Variants in TSPAN15 observed in about 807,000 individuals in gnomAD.
TSPAN15 encodes the protein tetraspanin 15.
TSPAN15 carries 20 observed loss-of-function variants against 34.5 expected under a neutral mutation model. The observed-to-expected ratio is 0.58, with a 90% CI of 0.41 to 0.84. The LOEUF is 0.84. TSPAN15 is among the 40% of genes least tolerant of loss of function. The pLI, the probability that TSPAN15 is intolerant of heterozygous loss-of-function variation, is 0.00. For missense variants in TSPAN15, 313 were observed against 386.1 expected, an observed-to-expected ratio of 0.81 and a Z score of 1.59; for synonymous variants, 155 against 153.9, an observed-to-expected ratio of 1.01 and a Z score of -0.05.
At chr10:69,530,816 C>CTATATATA in the TSPAN15 span, among the ~76,000 whole-genome samples, 5 of 52,426 alleles carry the variant, frequency 9.5e-5, no homozygotes, top group Admixed American at 2.6e-4. Flanking sequence ...CTCTCTCTCT[C>CTATATATA]TCTCTATATA....
chr10:69,505,483 A>C (rs1030803915), intron 6 of TSPAN15, among the ~76,000 whole-genome samples: 2 of 152,180 alleles, frequency 1.3e-5, no homozygotes, highest in African/African-American at 4.8e-5. Context: ...TAAAGTTCTG[A>C]ATTAAATAAT....
chr10:69,539,452 AAGAAGAAGAAGG>A, the TSPAN15 span, among the ~76,000 whole-genome samples: 12,645 of 52,754 alleles, frequency 0.24, 1,383 homozygotes, highest in East Asian at 0.37. Flanking sequence ...GAAGAAGAAG[AAGAAGAAGAAGG>A]AGAAGGAGAA....
chr10:69,455,621 T>TC (rs1162399692), intron 1 of TSPAN15, among the ~76,000 whole-genome samples: 1 of 95,970 alleles, frequency 1.0e-5, no homozygotes, highest in African/African-American at 4.4e-5. Flanking sequence ...TCTCTCTCTC[T>TC]CTCTCCCCCC....
chr10:69,509,293 G>A (rs1842392135), downstream of TSPAN15, among the ~76,000 whole-genome samples: 2 of 152,158 alleles, frequency 1.3e-5, no homozygotes, highest in African/African-American at 4.8e-5. Context: ...TGCCACAGAT[G>A]GCTAAGCTCC....
At chr10:69,526,019 A>G in the TSPAN15 span, among the ~76,000 whole-genome samples, 1 of 147,326 alleles carries the variant, frequency 6.8e-6, no homozygotes, top group African/African-American at 2.5e-5. Flanking sequence ...AAAATTTAAT[A>G]AAACCAAACT....
the TSPAN15 span, among the ~76,000 whole-genome samples, chr10:69,532,737 C>T: frequency 6.6e-6 from 1 of 152,184 alleles, no homozygotes; most frequent in African/African-American, 2.4e-5. Context: ...GCAGAGTAAA[C>T]AGACAACCCA....
chr10:69,481,729 C>G (rs184967126), intron 1 of TSPAN15, among the ~76,000 whole-genome samples: 30 of 152,342 alleles, frequency 2.0e-4, no homozygotes, highest in African/African-American at 6.0e-4. Context: ...TCATCCCTTC[C>G]TTTCCTTGGA....
At chr10:69,484,834 C>A (rs575939601) in intron 2 of TSPAN15, among the ~76,000 whole-genome samples, 1 of 152,190 alleles carries the variant, frequency 6.6e-6, no homozygotes, top group South Asian at 2.1e-4. Context: ...AGGCCCAGCT[C>A]TCCTTATGGT....
Position 69,472,362 on chromosome 10 carries a change from T to G in TSPAN15, c.97-11329T>G, listed in dbSNP as rs925997604. On this transcript the variant is annotated intron_variant, in intron 1 of 7. Coordinates refer to ENST00000373290, the MANE Select transcript of TSPAN15 (RefSeq NM_012339.5). ...GTAACCTCCTCCAGGAAGCCTTCCC[T>G]GATCTTGCCTTTCTGATTTAGTGTC... Among the ~76,000 whole-genome samples, 4 of 152,212 alleles carry G rather than the reference T, an allele frequency of 2.6e-5. No homozygotes were observed. In the South Asian group the frequency reaches 8.3e-4, roughly 31 times the overall value.
the TSPAN15 span, among the ~76,000 whole-genome samples, chr10:69,528,362 C>G: frequency 6.7e-6 from 1 of 148,580 alleles, no homozygotes; most frequent in African/African-American, 2.4e-5. Context: ...GGTCTGGGCT[C>G]CCTAAAGGGC....
At chr10:69,530,784 C>CTT in the TSPAN15 span, among the ~76,000 whole-genome samples, 4,207 of 47,210 alleles carry the variant, frequency 0.089, 215 homozygotes, top group East Asian at 0.12. Flanking sequence ...GTGAGACTCT[C>CTT]TCTCTCTCTC....
chr10:69,472,387 C>G (rs950262267), intron 1 of TSPAN15, among the ~76,000 whole-genome samples: 3 of 152,188 alleles, frequency 2.0e-5, no homozygotes, highest in Non-Finnish European at 4.4e-5. Flanking sequence ...GATTTAGTGT[C>G]TCCTCTCTGG....
At position 69,504,424 on chromosome 10, in the gene TSPAN15, C is replaced by T. The variant is rs372221501; in HGVS notation, c.571-14C>T. 2.4e-5 allele frequency: 38 copies of T among 1,611,778 alleles called. No individual in the cohort carries two copies. The highest frequency in any genetic ancestry group is 5.0e-5 in the Admixed American group (3 of 59,992). The stretch of plus-strand genomic sequence containing the variant: ...ACCATTATAAATATTAGCTATTATA[C>T]ATTTCCATTTCAGACAGAAGTTGTC... On this transcript the variant is annotated splice_polypyrimidine_tract_variant and intron_variant, in intron 5 of 7. Coordinates refer to ENST00000373290, the MANE Select transcript of TSPAN15 (RefSeq NM_012339.5).
At chr10:69,512,756 A>T in the TSPAN15 span, among the ~76,000 whole-genome samples, 2 of 152,244 alleles carry the variant, frequency 1.3e-5, no homozygotes, top group African/African-American at 4.8e-5. Context: ...TTTGTAGCAT[A>T]TATCAGAAGT....
chr10:69,455,697 T>C (rs1170565805), intron 1 of TSPAN15, among the ~76,000 whole-genome samples: 4 of 146,188 alleles, frequency 2.7e-5, no homozygotes, highest in Non-Finnish European at 6.0e-5. Context: ...TATCTCTGAA[T>C]GTGTCATTTT....
chr10:69,522,827 G>A, the TSPAN15 span, among the ~76,000 whole-genome samples: 875 of 147,866 alleles, frequency 5.9e-3, 54 homozygotes, highest in African/African-American at 0.02. Context: ...GTTGGGGACC[G>A]CTGAGATATA....
intron 1 of TSPAN15, among the ~76,000 whole-genome samples, chr10:69,460,829 G>A (rs1841236415): frequency 6.6e-6 from 1 of 152,070 alleles, no homozygotes; most frequent in South Asian, 2.1e-4. Flanking sequence ...GCTACAGAAT[G>A]TTTTTTGGGC....
chr10:69,519,941 A>G, the TSPAN15 span, among the ~76,000 whole-genome samples: 27 of 152,188 alleles, frequency 1.8e-4, no homozygotes, highest in African/African-American at 6.5e-4. Flanking sequence ...CATGTTGGCC[A>G]GGCTGGTCTT....
chr10:69,526,734 G>A, the TSPAN15 span, among the ~76,000 whole-genome samples: 1 of 128,846 alleles, frequency 7.8e-6, no homozygotes, highest in Non-Finnish European at 1.6e-5. Context: ...AGGCTGCTAT[G>A]AGCCATGATT....
Sources: allele counts gnomAD v4.1 joint callset (sites outside exome capture counted in the v4.1 genomes callset), GRCh38; gene constraint gnomAD v4.1.1; transcripts MANE v1.5; gene names NCBI Gene and HGNC (gene_info 2026-07-23, HGNC 2026-07-21).